Variants in ZNF148 observed in about 807,000 individuals in gnomAD.
The protein encoded by ZNF148 is Beta-Enolase Repressor Factor-1.
Under a neutral mutation model 67.7 loss-of-function variants are expected in ZNF148, and 7 were observed. The ratio of observed to expected loss-of-function variants is 0.10; its 90% CI spans 0.06 to 0.19. The LOEUF (loss-of-function observed/expected upper bound fraction) is 0.19. ZNF148 is among the 10% of genes least tolerant of loss of function. ZNF148 has a pLI of 1.00. For missense variants in ZNF148, 583 were observed against 947.1 expected (o/e 0.62, Z 5.05); for synonymous variants, 333 against 330.7 (o/e 1.01, Z -0.08).
At chr3:125,254,519 T>C (rs184340303) in intron 7 of ZNF148, among the ~76,000 whole-genome samples, 9 of 152,358 alleles carry the variant, frequency 5.9e-5, no homozygotes, top group Admixed American at 2.6e-4. Flanking sequence ...CATTTTGTTC[T>C]GTCCATTTCT....
At chr3:125,307,667 AAC>A (rs1939958500) in intron 4 of ZNF148, among the ~76,000 whole-genome samples, 1 of 150,520 alleles carries the variant, frequency 6.6e-6, no homozygotes, top group Non-Finnish European at 1.5e-5. Flanking sequence ...TTTTTTTTGA[AAC>A]AGTCTCACTC....
chr3:125,335,125 A>G (rs1410155454), intron 1 of ZNF148, among the ~76,000 whole-genome samples: 3 of 152,164 alleles, frequency 2.0e-5, no homozygotes, highest in South Asian at 4.1e-4. Flanking sequence ...ACCTCCTAAC[A>G]TATTACACAA....
intron 5 of ZNF148, among the ~76,000 whole-genome samples, chr3:125,282,962 A>G (rs754026710): frequency 6.6e-6 from 1 of 152,172 alleles, no homozygotes; most frequent in Non-Finnish European, 1.5e-5. Context: ...TAAACACTAT[A>G]GGTTTTTATC....
intron 2 of ZNF148, among the ~76,000 whole-genome samples, chr3:125,324,965 T>C (rs1310085696): frequency 2.0e-5 from 3 of 152,136 alleles, no homozygotes; most frequent in Non-Finnish European, 2.9e-5. Flanking sequence ...CTCAGTAGGA[T>C]TGTATCATAT....
At chr3:125,300,238 C>A (rs749509202) in intron 4 of ZNF148, among the ~76,000 whole-genome samples, 2 of 152,142 alleles carry the variant, frequency 1.3e-5, no homozygotes, top group Non-Finnish European at 1.5e-5. Flanking sequence ...TCCCAAAGTG[C>A]TGAGATTAGA....
chr3:125,366,364 G>A (rs1252840883), intron 1 of ZNF148, among the ~76,000 whole-genome samples: 2 of 152,106 alleles, frequency 1.3e-5, no homozygotes, highest in Non-Finnish European at 2.9e-5. Flanking sequence ...ACTTAGCTTA[G>A]CTTTCAAGGC....
intron 1 of ZNF148, among the ~76,000 whole-genome samples, chr3:125,369,226 G>A (rs2107796947): frequency 8.9e-6 from 1 of 112,022 alleles, no homozygotes; most frequent in Middle Eastern, 7.1e-3. Flanking sequence ...CACACCACCG[G>A]ACTCCAGCCT....
At chr3:125,280,254 A>G (rs1286977021) in intron 5 of ZNF148, among the ~76,000 whole-genome samples, 1 of 152,148 alleles carries the variant, frequency 6.6e-6, no homozygotes, top group African/African-American at 2.4e-5. Context: ...AAGACAAGAG[A>G]CAAAGCAACC....
intron 1 of ZNF148, among the ~76,000 whole-genome samples, chr3:125,350,948 T>C (rs1266040213): frequency 6.6e-6 from 1 of 152,198 alleles, no homozygotes; most frequent in Non-Finnish European, 1.5e-5. Flanking sequence ...GGCCAAATAC[T>C]GTATGATTCC....
In ZNF148 at chr3:125,298,875, C is replaced by A. The variant is rs567787807; in HGVS notation, c.334-10647G>T. ...ATCTCCTGACCTCGTGATCCGTCCGCCTCGGCCTCCCAAAGTGCTGGGATT... is the reference window on the plus strand; with the variant it reads ...ATCTCCTGACCTCGTGATCCGTCCGACTCGGCCTCCCAAAGTGCTGGGATT... On this transcript the variant is annotated intron_variant, in intron 4 of 8. Coordinates refer to ENST00000360647, the MANE Select transcript of ZNF148 (RefSeq NM_021964.3). 4.8e-4 allele frequency among the ~76,000 whole-genome samples: 73 copies of A among 152,212 alleles called. 2 individuals carry two copies. The highest frequency in any genetic ancestry group is 1.5e-3 in the African/African-American group (64 of 41,544).
chr3:125,323,109 T>TA (rs1178528933), intron 3 of ZNF148, among the ~76,000 whole-genome samples, 200 bp downstream of exon 3: 4 of 152,198 alleles, frequency 2.6e-5, no homozygotes, highest in East Asian at 1.9e-4. Flanking sequence ...TTTGTTGTGT[T>TA]AGAGTCTAAA....
Position 125,237,840 on chromosome 3 carries a change from A to C in ZNF148, c.668-3511T>G, listed in dbSNP as rs551743691. Among the ~76,000 whole-genome samples, 33 of 152,316 alleles carry C rather than the reference A, an allele frequency of 2.2e-4. 1 individual carries two copies. The highest frequency in any genetic ancestry group is 7.7e-4 in the African/African-American group (32 of 41,566). The stretch of plus-strand genomic sequence containing the variant: ...TCTAAAAGAGCCAAAACTATCTTGA[A>C]AAAGAAGAATGAAGCAGGAGGACTT... On this transcript the variant is annotated intron_variant, in intron 7 of 8. Transcript: ENST00000360647.
Position 125,283,598 on chromosome 3 carries a change from C to A in ZNF148, c.460-4351G>T, listed in dbSNP as rs150930298. Among the ~76,000 whole-genome samples, 657 of 152,102 alleles carry A rather than the reference C, an allele frequency of 4.3e-3. 25 individuals carry two copies. Among genetic ancestry groups the A allele is most frequent in the Admixed American group, 0.037 (561 of 15,242 alleles). ...AGATAAATAAAACTCTATTATTTTGCCAATCTTCTTCCTTCATTTTCTTAC... is the reference window on the plus strand; with the variant it reads ...AGATAAATAAAACTCTATTATTTTGACAATCTTCTTCCTTCATTTTCTTAC... On this transcript the variant is annotated intron_variant, in intron 5 of 8. Transcript: ENST00000360647.
intron 6 of ZNF148, among the ~76,000 whole-genome samples, chr3:125,278,475 T>C (rs559018298): frequency 3.3e-4 from 51 of 152,292 alleles, no homozygotes; most frequent in African/African-American, 1.2e-3. Context: ...TTAACCCTTA[T>C]ACTCTGCTTT....
At position 125,227,088 on chromosome 3, in the gene ZNF148, G is replaced by GC. The variant is rs1225277821; in HGVS notation, c.*5252dup. ...CTGCAACCTTCCCAAGACACACGATGCCCCCCTTTCCCTCGGAAATTTGCT... is the reference window on the plus strand; with the variant it reads ...CTGCAACCTTCCCAAGACACACGATGCCCCCCCTTTCCCTCGGAAATTTGCT... On this transcript the variant is annotated 3_prime_UTR_variant, in exon 9 of 9. Transcript: ENST00000360647. 6.6e-6 allele frequency: 1 copy of GC among 151,434 alleles called. No homozygotes were observed. The highest frequency in any genetic ancestry group is 2.5e-5 in the African/African-American group (1 of 40,816). 9.4% of individuals were successfully genotyped at this position (151,434 alleles called of 1,614,324 possible).
chr3:125,371,822 T>C (rs1271662727), intron 1 of ZNF148, among the ~76,000 whole-genome samples: 2 of 152,016 alleles, frequency 1.3e-5, no homozygotes, highest in African/African-American at 4.8e-5. Context: ...CCCAGCATTT[T>C]GGGAGACGGA....
intron 2 of ZNF148, among the ~76,000 whole-genome samples, chr3:125,323,698 C>T (rs1474051105): frequency 2.0e-5 from 3 of 152,126 alleles, no homozygotes; most frequent in East Asian, 3.8e-4. Flanking sequence ...CAGTTGCTCA[C>T]GCCTGTAATC....
chr3:125,348,871 T>C (rs1942041600), intron 1 of ZNF148, among the ~76,000 whole-genome samples: 1 of 152,164 alleles, frequency 6.6e-6, no homozygotes. Flanking sequence ...AGTATGGTAC[T>C]GGCATAAAAA....
intron 1 of ZNF148, among the ~76,000 whole-genome samples, chr3:125,370,944 A>G (rs542371452): frequency 3.3e-5 from 5 of 152,240 alleles, no homozygotes; most frequent in African/African-American, 1.2e-4. Flanking sequence ...CACCACCTCC[A>G]TCAAACCCTG....
Sources: gnomAD v4.1 joint callset for allele counts (sites outside exome capture counted in the v4.1 genomes callset) on GRCh38, gnomAD v4.1.1 for gene constraint, MANE v1.5 for transcripts, NCBI Gene and HGNC (gene_info 2026-07-23, HGNC 2026-07-21) for gene names.